ANKRD40: variants seen among roughly 807,000 people sequenced by gnomAD.
ANKRD40 encodes the protein ankyrin repeat domain 40, also known as ankyrin repeat domain-containing protein 40.
ANKRD40 carries 24 observed loss-of-function variants against 35.5 expected under a neutral mutation model. That is an observed-to-expected ratio of 0.68 (90% confidence interval 0.49 to 0.95). The LOEUF (loss-of-function observed/expected upper bound fraction) is 0.95. Among genes scored for constraint, ANKRD40 ranks in the 40% least tolerant of loss-of-function variants. ANKRD40 has a pLI of 0.00. For missense variants in ANKRD40, 361 were observed against 436.0 expected (o/e 0.83, Z 1.53); for synonymous variants, 147 against 173.5 (o/e 0.85, Z 1.20).
In ANKRD40 at chr17:50,695,496, A is replaced by G. The variant is rs1968188651; in HGVS notation, c.*501T>C. 6.5e-6 allele frequency: 1 copy of G among 153,192 alleles called. No homozygotes were observed. The highest frequency in any genetic ancestry group is 2.1e-4 in the South Asian group (1 of 4,860). 9.5% of individuals were successfully genotyped at this position (153,192 alleles called of 1,614,324 possible). On this transcript the variant is annotated 3_prime_UTR_variant, in exon 5 of 5. Coordinates refer to ENST00000285243, the MANE Select transcript of ANKRD40 (RefSeq NM_052855.4). ...TCACACTAGAATCCATCTGTCCAGT[A>G]TCTGTGCTTTCCCCACACCAGAATC...
chr17:50,702,274 T>A (rs1435190972), intron 1 of ANKRD40, among the ~76,000 whole-genome samples: 1 of 151,948 alleles, frequency 6.6e-6, no homozygotes, highest in Non-Finnish European at 1.5e-5. Context: ...ATGGTGCATG[T>A]CTGTAATCCC....
At chr17:50,701,019 CTA>C (rs1968266953) in intron 1 of ANKRD40, 1 of 243,896 alleles carries the variant, frequency 4.1e-6, no homozygotes, top group East Asian at 8.7e-5. Context: ...GGAATATACT[CTA>C]TCAGTATCGC....
At position 50,697,091 on chromosome 17, in the gene ANKRD40, G is replaced by C. The variant is rs1295183995; in HGVS notation, c.809C>G (p.Pro270Arg). 13 of 1,613,490 alleles carry C rather than the reference G, an allele frequency of 8.1e-6. No homozygotes were observed. The highest frequency in any genetic ancestry group is 1.1e-5 in the Non-Finnish European group (13 of 1,179,790). The stretch of plus-strand genomic sequence containing the variant: ...AATGAAATCATTTTCTCGAAGAGAT[G>C]GGTTCTGAATTCTCACCTTGAGTAC... The part of the protein sequence containing the change: ...ELVLKVRIQN[P>R]SLRENDFIEI... The change falls in exon 4 of 5, where the codon CCA becomes CGA. Residue 270 changes from proline to arginine, a missense_variant. Pro to Arg is a moderately radical substitution (Grantham distance 103). Transcript: ENST00000285243.
In ANKRD40 at chr17:50,707,245, A is replaced by C. The variant is rs541996179; in HGVS notation, c.134+276T>G. ...ACTGCCTCCAGCACCGCTCTGACCA[A>C]GTGAGCCGGGAGCGCGGGGGAAGGG... On this transcript the variant is annotated intron_variant, in intron 1 of 4. Coordinates refer to ENST00000285243, the MANE Select transcript of ANKRD40 (RefSeq NM_052855.4). This position sits in a 1 kb window ranked among gnomAD's most constrained non-coding sequence, Gnocchi z 4.8. 6.6e-6 allele frequency among the ~76,000 whole-genome samples: 1 copy of C among 152,242 alleles called. No individual in the cohort carries two copies. Among genetic ancestry groups the C allele is most frequent in the East Asian group, 1.9e-4 (1 of 5,170 alleles).
At chr17:50,696,775 A>C in intron 4 of ANKRD40, 165 bp downstream of exon 4, 3 of 486,394 alleles carry the variant, frequency 6.2e-6, no homozygotes, top group Non-Finnish European at 6.4e-6. Context: ...AAAAAAAGCC[A>C]GTGTCCCTAT....
rs1315464828 is a variant in ANKRD40, at chr17:50,707,849, G to A, written c.-195C>T. On this transcript the variant is annotated 5_prime_UTR_variant, in exon 1 of 5. Coordinates refer to ENST00000285243, the MANE Select transcript of ANKRD40 (RefSeq NM_052855.4). The surrounding 1 kb of genome is among the most constrained non-coding windows in gnomAD (Gnocchi z 4.8). Reference sequence around the variant, plus strand: ...CCCGCGGGCCGCCCCTGCTGCTCCCGGCCCGCAGGCCCAGGCCTCCTCCCG... The same window carrying A: ...CCCGCGGGCCGCCCCTGCTGCTCCCAGCCCGCAGGCCCAGGCCTCCTCCCG... 5.4e-6 allele frequency: 1 copy of A among 183,698 alleles called. No individual in the cohort carries two copies. Among genetic ancestry groups the A allele is most frequent in the Admixed American group, 6.4e-5 (1 of 15,618 alleles). The allele number at this position is 183,698 out of a possible 1,614,324, so 11.4% of individuals were successfully genotyped here.
Position 50,699,769 on chromosome 17 carries a change from T to G in ANKRD40, c.408A>C (p.Thr136=). The change falls in exon 3 of 5, where the codon ACA becomes ACC. Residue 136 remains threonine (T), a synonymous_variant. Transcript: ENST00000285243. Reference sequence around the variant, plus strand: ...TCTGCATCTGGGCTGAATCCTCTGCTGTGGGTGTATAGATAAAAGGGAAGG... The same window carrying G: ...TCTGCATCTGGGCTGAATCCTCTGCGGTGGGTGTATAGATAAAAGGGAAGG... The part of the protein sequence containing the change: ...NPAFPFIYTP[T]AEDSAQMQNG... 1 of 1,607,622 alleles carries G rather than the reference T, an allele frequency of 6.2e-7. No individual in the cohort carries two copies. The highest frequency in any genetic ancestry group is 2.2e-5 in the East Asian group (1 of 44,770).
rs76350752 is a variant in ANKRD40, at chr17:50,703,905, G to A, written c.135-3189C>T. Among the ~76,000 whole-genome samples, 1,937 of 152,150 alleles carry A rather than the reference G, an allele frequency of 0.013. 114 individuals are homozygous for A. The East Asian group carries it at 0.19, about 15-fold the overall frequency. ...CTTAGGAGCAAGGACACTAGTAGGA[G>A]GCTATTGTAATAATCCAAGCAAGAG... On this transcript the variant is annotated intron_variant, in intron 1 of 4. Transcript: ENST00000285243.
In ANKRD40 at chr17:50,706,734, C is replaced by CAA. The variant is rs756189222; in HGVS notation, c.134+785_134+786dup. Among the ~76,000 whole-genome samples the CAA allele has an allele frequency of 2.1e-3, 200 of 93,626 alleles. 1 individual carries two copies. Among genetic ancestry groups the CAA allele is most frequent in the African/African-American group, 5.9e-3 (147 of 25,090 alleles). The allele number at this position is 93,626 out of a possible 152,430, so 61.4% of individuals were successfully genotyped here. On this transcript the variant is annotated intron_variant, in intron 1 of 4. Transcript: ENST00000285243. The stretch of plus-strand genomic sequence containing the variant: ...CTGGCCCCATCTCTACCAAAAATAC[C>CAA]AAAAAAAAAAAAAAAAAAAATTAGC...
chr17:50,698,182 G>T (rs911038393), intron 3 of ANKRD40, among the ~76,000 whole-genome samples: 2 of 152,046 alleles, frequency 1.3e-5, no homozygotes, highest in Admixed American at 6.6e-5. Context: ...GGGCTTCTTG[G>T]AGAAATGACT....
chr17:50,702,920 T>C (rs1288986743), intron 1 of ANKRD40, among the ~76,000 whole-genome samples: 15 of 152,206 alleles, frequency 9.9e-5, no homozygotes, highest in Admixed American at 9.2e-4. Context: ...GAATTACAAC[T>C]GATGTGGGGG....
chr17:50,704,191 T>C (rs1019230442), intron 1 of ANKRD40, among the ~76,000 whole-genome samples: 3 of 151,994 alleles, frequency 2.0e-5, no homozygotes, highest in African/African-American at 7.3e-5. Context: ...ATGTTGAGTT[T>C]GAGGGGCCTA....
chr17:50,696,083 C>A lies in ANKRD40; in HGVS notation c.1021G>T (p.Glu341Ter). 6.2e-7 allele frequency: 1 copy of A among 1,614,192 alleles called. No individual in the cohort carries two copies. The highest frequency in any genetic ancestry group is 8.5e-7 in the Non-Finnish European group (1 of 1,180,036). ...QELELVLMIS[E>*]NNFLFRNAAS... The stretch of plus-strand genomic sequence containing the variant: ...GCATTTCTGAACAGAAAATTATTTT[C>A]ACTTATCATCAGAACCAGTTCCAGC... Residue 341 changes from glutamate to a stop codon, truncating the protein, a stop_gained, in exon 5 of 5, where the codon GAA (glutamate) becomes TAA (stop). Transcript: ENST00000285243. LOFTEE classifies it high-confidence loss of function.
intron 1 of ANKRD40, among the ~76,000 whole-genome samples, chr17:50,701,355 T>A (rs1487716444): frequency 6.6e-6 from 1 of 152,246 alleles, no homozygotes; most frequent in Non-Finnish European, 1.5e-5. Context: ...TCTGCGTAAA[T>A]GTAAGGCACT....
At chr17:50,697,214 C>A in intron 3 of ANKRD40, 93 bp from the exon 4 acceptor site, 1 of 1,236,756 alleles carries the variant, frequency 8.1e-7, no homozygotes, top group South Asian at 1.5e-5. Flanking sequence ...TATACTTAAT[C>A]ATGCCAAAGG....
intron 1 of ANKRD40, among the ~76,000 whole-genome samples, chr17:50,706,990 G>C (rs1343667641): frequency 6.7e-6 from 1 of 150,038 alleles, no homozygotes. Context: ...GGCAACTACA[G>C]GCAGCAGCAG....
chr17:50,697,305 G>C (rs1389477217), intron 3 of ANKRD40, among the ~76,000 whole-genome samples, 184 bp from the exon 4 acceptor site: 1 of 152,222 alleles, frequency 6.6e-6, no homozygotes, highest in Non-Finnish European at 1.5e-5. Context: ...CTCTGCCTCT[G>C]CTGGGGCAGT....
intron 1 of ANKRD40, among the ~76,000 whole-genome samples, chr17:50,706,748 A>T (rs1292733324): frequency 6.6e-6 from 1 of 150,480 alleles, no homozygotes; most frequent in Non-Finnish European, 1.5e-5. Context: ...AAAAAAAAAA[A>T]AAAAAATTAG....
chr17:50,698,690 T>C (rs1203387959), intron 3 of ANKRD40, among the ~76,000 whole-genome samples: 2 of 152,124 alleles, frequency 1.3e-5, no homozygotes, highest in Non-Finnish European at 2.9e-5. Context: ...TAGTACTATT[T>C]CTGTAATAGT....
Sources: gnomAD v4.1 joint callset for allele counts (sites outside exome capture counted in the v4.1 genomes callset) on GRCh38, gnomAD v4.1.1 for gene constraint, Gnocchi (gnomAD v3.1) non-coding constraint, MANE v1.5 for transcripts, NCBI Gene and HGNC (gene_info 2026-07-23, HGNC 2026-07-21) for gene names.